DPP10: variants seen among roughly 807,000 people sequenced by gnomAD.
DPP10 encodes the protein inactive dipeptidyl peptidase 10.
Under a neutral mutation model 120.9 loss-of-function variants are expected in DPP10, and 33 were observed. The ratio of observed to expected loss-of-function variants is 0.27; its 90% confidence interval spans 0.21 to 0.37. DPP10 has a LOEUF of 0.37. DPP10 is among the 10% of genes least tolerant of loss of function. The probability of loss-of-function intolerance (pLI) is 1.00; values close to 1 mark genes in which losing one functional copy is unlikely to be tolerated. For missense variants in DPP10, 816 were observed against 942.8 expected, an observed-to-expected ratio of 0.87 and a Z score of 1.76; for synonymous variants, 337 against 326.1, an observed-to-expected ratio of 1.03 and a Z score of -0.36.
intron 1 of DPP10, among the ~76,000 whole-genome samples, chr2:115,122,844 C>G (rs2104745225): frequency 6.6e-6 from 1 of 152,302 alleles, no homozygotes; most frequent in South Asian, 2.1e-4. Context: ...CTACTCTGTG[C>G]AGACTCCAAG....
At chr2:114,497,348 C>CATGTACATGTATACGTGTAT (rs1682731953) in intron 1 of DPP10, among the ~76,000 whole-genome samples, 10 of 27,146 alleles carry the variant, frequency 3.7e-4, no homozygotes, top group East Asian at 1.4e-3. Flanking sequence ...CATATACATA[C>CATGTACATGTATACGTGTAT]ACATGTACAT....
intron 5 of DPP10, among the ~76,000 whole-genome samples, chr2:115,573,351 T>C (rs868184005): frequency 3.5e-4 from 52 of 148,054 alleles, no homozygotes; most frequent in South Asian, 2.2e-3. Context: ...TGTAGGATCT[T>C]GGCTCACTGC....
chr2:114,567,589 A>G (rs1689301240), intron 1 of DPP10, among the ~76,000 whole-genome samples: 2 of 152,226 alleles, frequency 1.3e-5, no homozygotes, highest in Admixed American at 1.3e-4. Flanking sequence ...AGCCTGTGAC[A>G]TAATAAAATT....
chr2:115,311,216 T>C (rs2061562368), intron 2 of DPP10, among the ~76,000 whole-genome samples: 1 of 152,228 alleles, frequency 6.6e-6, no homozygotes, highest in Non-Finnish European at 1.5e-5. Flanking sequence ...TTTAACCTTC[T>C]CTCTCACTTT....
intron 9 of DPP10, among the ~76,000 whole-genome samples, chr2:115,745,502 C>T (rs1194412628): frequency 6.6e-6 from 1 of 150,412 alleles, no homozygotes; most frequent in Non-Finnish European, 1.5e-5. Context: ...GGCCCACCTC[C>T]CAAGGGTTGT....
chr2:115,639,950 CAT>C (rs946202085), intron 5 of DPP10, among the ~76,000 whole-genome samples: 3 of 149,258 alleles, frequency 2.0e-5, no homozygotes, highest in Non-Finnish European at 4.4e-5. Context: ...TTAACTGACT[CAT>C]ACAGTAGATT....
chr2:115,608,267 A>G (rs576385616), intron 5 of DPP10, among the ~76,000 whole-genome samples: 85 of 152,134 alleles, frequency 5.6e-4, no homozygotes, highest in Non-Finnish European at 1.1e-3. Context: ...GTGTGGGCCT[A>G]TAATCCCAGC....
chr2:115,781,020 A>G (rs1185102501), intron 16 of DPP10, 25 bp downstream of exon 16: 10 of 1,530,878 alleles, frequency 6.5e-6, no homozygotes, highest in Non-Finnish European at 8.9e-6. Context: ...GAATTCTGAT[A>G]TAATATATTT....
chr2:115,397,138 G>T (rs964798552), intron 3 of DPP10, among the ~76,000 whole-genome samples: 1 of 152,146 alleles, frequency 6.6e-6, no homozygotes, highest in Non-Finnish European at 1.5e-5. Context: ...CCATAGTTAA[G>T]AATCTAATAG....
chr2:115,507,877 T>A (rs1199153170), intron 4 of DPP10, among the ~76,000 whole-genome samples: 1 of 152,140 alleles, frequency 6.6e-6, no homozygotes, highest in Non-Finnish European at 1.5e-5. Context: ...GTGAACTATG[T>A]ACAGGGATGC....
At chr2:114,553,831 A>T (rs1305598521) in intron 1 of DPP10, among the ~76,000 whole-genome samples, 2 of 152,240 alleles carry the variant, frequency 1.3e-5, no homozygotes, top group Non-Finnish European at 2.9e-5. Context: ...CCTTTGAATT[A>T]TTCAGCAATA....
chr2:115,704,443 C>T (rs944667759), intron 7 of DPP10, among the ~76,000 whole-genome samples: 6 of 151,794 alleles, frequency 4.0e-5, no homozygotes, highest in Non-Finnish European at 8.8e-5. Context: ...ACCTAGAATA[C>T]AGGATCTATT....
rs1178260899 is a variant in DPP10, at chr2:114,445,726, CA to C, written c.60+2890del. 5.3e-5 allele frequency among the ~76,000 whole-genome samples: 8 copies of C among 152,186 alleles called. No homozygotes were observed. The East Asian group carries it at 1.2e-3, about 22-fold the overall frequency. Reference sequence around the variant, plus strand: ...AGAAGTTATAATGGAACAAGATGATCAAGAGTATTCAGGTTGCTTGACACTT... The same window carrying C: ...AGAAGTTATAATGGAACAAGATGATCAGAGTATTCAGGTTGCTTGACACTT... On this transcript the variant is annotated intron_variant, in intron 1 of 25. Transcript: ENST00000410059.
At chr2:115,840,490 A>C (rs1373618915) in intron 24 of DPP10, among the ~76,000 whole-genome samples, 1 of 151,166 alleles carries the variant, frequency 6.6e-6, no homozygotes, top group Admixed American at 6.6e-5. Flanking sequence ...ACACCGGCTA[A>C]TTTTTTATAT....
intron 5 of DPP10, among the ~76,000 whole-genome samples, chr2:115,550,887 G>A (rs1440615454): frequency 6.6e-6 from 1 of 152,098 alleles, no homozygotes; most frequent in Non-Finnish European, 1.5e-5. Context: ...GTAGTAATCT[G>A]GCCCATCCAC....
chr2:114,740,012 T>C (rs567506829), intron 1 of DPP10, among the ~76,000 whole-genome samples: 1 of 152,186 alleles, frequency 6.6e-6, no homozygotes, highest in South Asian at 2.1e-4. Flanking sequence ...ACTAGGTATA[T>C]ACCCAAAGGA....
intron 1 of DPP10, among the ~76,000 whole-genome samples, chr2:114,788,699 A>G (rs1297155773): frequency 1.3e-5 from 2 of 152,222 alleles, no homozygotes; most frequent in Non-Finnish European, 2.9e-5. Flanking sequence ...ATAGTATTAT[A>G]AGTAGTAATA....
chr2:114,627,641 CAG>C (rs1285807468), intron 1 of DPP10, among the ~76,000 whole-genome samples: 1 of 151,924 alleles, frequency 6.6e-6, no homozygotes, highest in African/African-American at 2.4e-5. Context: ...GAAGTAAAAA[CAG>C]AAGAAAATAT....
At chr2:114,967,713 AG>A (rs1699131422) in intron 1 of DPP10, among the ~76,000 whole-genome samples, 1 of 152,194 alleles carries the variant, frequency 6.6e-6, no homozygotes, top group Non-Finnish European at 1.5e-5. Flanking sequence ...GAGACCCAAA[AG>A]TCTTGGTCAT....
Sources: allele counts gnomAD v4.1 joint callset (sites outside exome capture counted in the v4.1 genomes callset), GRCh38; gene constraint gnomAD v4.1.1; transcripts MANE v1.5; gene names NCBI Gene and HGNC (gene_info 2026-07-23, HGNC 2026-07-21).